The following RPL23 variants were observed in gnomAD, a reference collection of about 807,000 sequenced individuals.
The protein encoded by RPL23 is large ribosomal subunit protein uL14.
For missense variants in RPL23, 79 were observed against 178.8 expected, an observed-to-expected ratio of 0.44 and a Z score of 3.18; for synonymous variants, 63 against 65.3, an observed-to-expected ratio of 0.97 and a Z score of 0.17.
chr17:38,852,822 C>T (rs754867417), intron 2 of RPL23, 90 bp from the exon 3 acceptor site: 1 of 1,574,016 alleles, frequency 6.4e-7, no homozygotes, highest in Non-Finnish European at 8.7e-7. Context: ...TCCAAAGCCC[C>T]TCCCTCCACT....
In RPL23 at chr17:38,853,123, AG is replaced by A. The variant is rs1400411375; in HGVS notation, c.14-19del. The A allele has an allele frequency of 6.3e-7, 1 of 1,595,002 alleles. No individual in the cohort carries two copies. The highest frequency in any genetic ancestry group is 2.2e-5 in the East Asian group (1 of 44,796). ...ACCACGTCCTGTGGATATAAAGGGAAGGGAAACAGGATAAAGAGATCACAAT... is the reference window on the plus strand; with the variant it reads ...ACCACGTCCTGTGGATATAAAGGGAAGGAAACAGGATAAAGAGATCACAAT... On this transcript the variant is annotated intron_variant, in intron 1 of 4. Coordinates refer to ENST00000479035, the MANE Select transcript of RPL23 (RefSeq NM_000978.4).
chr17:38,850,767 C>A, intron 3 of RPL23: 1 of 240,618 alleles, frequency 4.2e-6, no homozygotes, highest in Non-Finnish European at 8.0e-6. Context: ...GAACCACGAT[C>A]ATCTATTCAC....
chr17:38,848,199 T>C lies in RPL23; in HGVS notation c.*1933A>G. On this transcript the variant is annotated 3_prime_UTR_variant, in exon 5 of 5. Coordinates refer to ENST00000479035, the MANE Select transcript of RPL23 (RefSeq NM_000978.4). ...AAAGCTGACTTGAAATTGACCATAC[T>C]CAGGGATGTTATGGTGTAACTCTCT... 1 of 932,424 alleles carries C rather than the reference T, an allele frequency of 1.1e-6. No individual in the cohort carries two copies. Among genetic ancestry groups the C allele is most frequent in the Non-Finnish European group, 1.4e-6 (1 of 692,082 alleles). 57.8% of individuals were successfully genotyped at this position (932,424 alleles called of 1,614,324 possible). A position where few individuals can be genotyped will look rare whatever the true frequency, so the allele number is the denominator to read the frequency against.
At chr17:38,850,326 CAG>C in intron 4 of RPL23, 34 bp downstream of exon 4, 1 of 1,587,376 alleles carries the variant, frequency 6.3e-7, no homozygotes. Context: ...CACCCAACCT[CAG>C]AGACCTAAGG....
intron 2 of RPL23, 43 bp from the exon 3 acceptor site, chr17:38,852,775 T>C (rs751714527): frequency 1.2e-6 from 2 of 1,613,390 alleles, no homozygotes; most frequent in African/African-American, 2.7e-5. Flanking sequence ...TTGAGGGCCA[T>C]CAGGCCGTTC....
At chr17:38,852,544 A>G (rs1913033245) in intron 3 of RPL23, 60 bp downstream of exon 3, 3 of 1,587,314 alleles carry the variant, frequency 1.9e-6, no homozygotes, top group South Asian at 1.1e-5. Flanking sequence ...CCATTTTCCA[A>G]TAAAGGAAAG....
At chr17:38,853,400 G>A in intron 1 of RPL23, 1 of 712,162 alleles carries the variant, frequency 1.4e-6, no homozygotes. Flanking sequence ...TAAAACCGCA[G>A]AGGTCGCGCA....
At chr17:38,852,942 T>C (rs1428705731) in intron 2 of RPL23, 80 bp downstream of exon 2, 1 of 1,442,896 alleles carries the variant, frequency 6.9e-7, no homozygotes, top group Non-Finnish European at 9.8e-7. Context: ...TCCCCTTTCT[T>C]GACGGCTCAA....
At chr17:38,850,640 G>A in intron 3 of RPL23, 165 bp from the exon 4 acceptor site, 1 of 585,444 alleles carries the variant, frequency 1.7e-6, no homozygotes, top group Non-Finnish European at 3.0e-6. Flanking sequence ...TAGTATCTTG[G>A]ACTACAGGTG....
rs1175993050 is a variant in RPL23 at position 38,849,682 on chromosome 17, G to T, written c.*450C>A. 2 of 154,736 alleles carry T rather than the reference G, an allele frequency of 1.3e-5. No individual in the cohort carries two copies. The highest frequency in any genetic ancestry group is 4.8e-5 in the African/African-American group (2 of 41,428). 9.6% of individuals were successfully genotyped at this position (154,736 alleles called of 1,614,324 possible). A position where few individuals can be genotyped will look rare whatever the true frequency, so the allele number is the denominator to read the frequency against. The stretch of plus-strand genomic sequence containing the variant: ...CAGGAGAAGCTACCATGTATAGCCA[G>T]TCATTGAGCAGTATCTACTATTATT... On this transcript the variant is annotated 3_prime_UTR_variant, in exon 5 of 5. Transcript: ENST00000479035.
chr17:38,853,693 C>T lies in RPL23; in HGVS notation c.13+5G>A, dbSNP rs1465383790. The T allele has an allele frequency of 3.1e-6, 5 of 1,614,066 alleles. No individual in the cohort carries two copies. Among genetic ancestry groups the T allele is most frequent in the African/African-American group, 2.7e-5 (2 of 74,926 alleles). ...GTGGAGGATCCTCCAGAAACAAAAC[C>T]TCACCTCGCTTCGACATCTTGAACG... On this transcript the variant is annotated splice_donor_5th_base_variant and intron_variant, in intron 1 of 4. Transcript: ENST00000479035.
At chr17:38,853,602 G>A in intron 1 of RPL23, 96 bp downstream of exon 1, 4 of 1,502,332 alleles carry the variant, frequency 2.7e-6, no homozygotes, top group African/African-American at 2.8e-5. Flanking sequence ...CTGAAGGAGA[G>A]CAAAGCGCCC....
At chr17:38,852,073 T>C (rs2050943866) in intron 3 of RPL23, 1 of 152,320 alleles carries the variant, frequency 6.6e-6, no homozygotes, top group African/African-American at 2.4e-5. Context: ...TAATGAGCAA[T>C]TAGCCGGGTG....
chr17:38,853,596 A>G, intron 1 of RPL23, 102 bp downstream of exon 1: 1 of 1,427,272 alleles, frequency 7.0e-7, no homozygotes, highest in Non-Finnish European at 9.9e-7. Flanking sequence ...TCCGGCCTGA[A>G]GGAGAGCAAA....
chr17:38,850,692 CAG>C, intron 3 of RPL23: 1 of 450,842 alleles, frequency 2.2e-6, no homozygotes, highest in East Asian at 3.9e-5. Context: ...TTCATAGAGA[CAG>C]GGTTTTGCCA....
chr17:38,851,020 G>A (rs1912986518), intron 3 of RPL23: 1 of 152,358 alleles, frequency 6.6e-6, no homozygotes, highest in African/African-American at 2.4e-5. Context: ...CAAGCACCAG[G>A]CTTTGTTTTA....
intron 3 of RPL23, 120 bp from the exon 4 acceptor site, chr17:38,850,595 C>G: frequency 2.9e-6 from 2 of 693,578 alleles, no homozygotes; most frequent in Non-Finnish European, 5.1e-6. Flanking sequence ...GTGTAAATAT[C>G]AATCTTCAAG....
chr17:38,851,305 ATACT>A (rs1261065855), intron 3 of RPL23: 1 of 152,232 alleles, frequency 6.6e-6, no homozygotes, highest in Non-Finnish European at 1.5e-5. Context: ...GAGGTAGCCA[ATACT>A]TACTGACTGA....
chr17:38,848,795 G>A lies in RPL23; in HGVS notation c.*1337C>T, dbSNP rs537338827. 1 of 152,244 alleles carries A rather than the reference G, an allele frequency of 6.6e-6. No homozygotes were observed. The highest frequency in any genetic ancestry group is 1.9e-4 in the East Asian group (1 of 5,158). 9.4% of individuals were successfully genotyped at this position (152,244 alleles called of 1,614,324 possible). On this transcript the variant is annotated 3_prime_UTR_variant, in exon 5 of 5. Coordinates refer to ENST00000479035, the MANE Select transcript of RPL23 (RefSeq NM_000978.4). Reference sequence around the variant, plus strand: ...GTAGTCCTTTTTGATACCAAGTGGAGCTTGTATTATACCCAACTTACAGGT... The same window carrying A: ...GTAGTCCTTTTTGATACCAAGTGGAACTTGTATTATACCCAACTTACAGGT...
Sources: allele counts gnomAD v4.1 joint callset, GRCh38; gene constraint gnomAD v4.1.1; transcripts MANE v1.5; gene names NCBI Gene and HGNC (gene_info 2026-07-23, HGNC 2026-07-21).